The following DNM3 variants were observed in gnomAD, a reference collection of about 807,000 sequenced individuals.
The protein encoded by DNM3 is dynamin 3, also known as dynamin-3.
Under a neutral mutation model 101.6 loss-of-function variants are expected in DNM3, and 47 were observed. That is an observed-to-expected ratio of 0.46 (90% CI 0.37 to 0.59). DNM3 has a LOEUF of 0.59. Ranked by LOEUF, DNM3 falls within the 20% of genes least tolerant of loss-of-function variation. The pLI, the probability that DNM3 is intolerant of heterozygous loss-of-function variation, is 0.00. For synonymous variants in DNM3, 385 were observed against 387.9 expected, an observed-to-expected ratio of 0.99 and a Z score of 0.09; for missense variants, 849 against 1,085.7, an observed-to-expected ratio of 0.78 and a Z score of 3.06.
At chr1:172,255,573 C>G (rs907222779) in intron 15 of DNM3, among the ~76,000 whole-genome samples, 2 of 152,024 alleles carry the variant, frequency 1.3e-5, no homozygotes, top group African/African-American at 4.8e-5. Context: ...CAAAAGTCAC[C>G]GAAATAAGGA....
At chr1:172,180,354 A>T (rs1283561040) in intron 14 of DNM3, among the ~76,000 whole-genome samples, 2 of 152,082 alleles carry the variant, frequency 1.3e-5, no homozygotes, top group African/African-American at 4.8e-5. Context: ...GATAGGGCTG[A>T]GATTATGCAC....
intron 14 of DNM3, among the ~76,000 whole-genome samples, chr1:172,182,168 GACA>G (rs1379331086): frequency 1.3e-5 from 2 of 151,054 alleles, no homozygotes; most frequent in East Asian, 3.9e-4. Flanking sequence ...AAAAAAATGT[GACA>G]ACATTTTATA....
At chr1:172,302,113 T>C (rs766231839) in intron 15 of DNM3, among the ~76,000 whole-genome samples, 17 of 152,248 alleles carry the variant, frequency 1.1e-4, no homozygotes, top group East Asian at 1.9e-4. Context: ...TTCCCTTTCC[T>C]AGCCAAGGGA....
chr1:172,360,449 A>G (rs982032053), intron 17 of DNM3, among the ~76,000 whole-genome samples: 3 of 151,968 alleles, frequency 2.0e-5, no homozygotes, highest in African/African-American at 7.2e-5. Flanking sequence ...TTTTATATAG[A>G]ATAACTTTCT....
At chr1:171,945,026 A>G (rs572306486) in intron 2 of DNM3, among the ~76,000 whole-genome samples, 2 of 150,834 alleles carry the variant, frequency 1.3e-5, no homozygotes, top group Non-Finnish European at 3.0e-5. Context: ...ACCATGCCTG[A>G]CTGATTTTTT....
chr1:172,418,344 C>CCAA, exon 21 of DNM3: 18 of 1,287,522 alleles, frequency 1.4e-5, no homozygotes, highest in Non-Finnish European at 1.7e-5. Flanking sequence ...CCTTTTGTTT[C>CCAA]CAACAACATG....
chr1:172,296,273 A>T (rs1433485906), intron 15 of DNM3, among the ~76,000 whole-genome samples: 1 of 152,234 alleles, frequency 6.6e-6, no homozygotes, highest in African/African-American at 2.4e-5. Context: ...CACTGCCAAG[A>T]TGATGCCAGC....
intron 13 of DNM3, among the ~76,000 whole-genome samples, 195 bp from the exon 14 acceptor site, chr1:172,130,980 G>C (rs148155042): frequency 5.5e-4 from 84 of 152,222 alleles, no homozygotes; most frequent in African/African-American, 2.0e-3. Flanking sequence ...TCATTGACAG[G>C]AGAGACTTCC....
intron 14 of DNM3, among the ~76,000 whole-genome samples, chr1:172,208,651 C>T (rs1255917220): frequency 6.6e-6 from 1 of 152,060 alleles, no homozygotes; most frequent in East Asian, 1.9e-4. Flanking sequence ...TTTCTACATA[C>T]CCTATTTGCT....
At chr1:172,184,839 G>A (rs2059467421) in intron 14 of DNM3, among the ~76,000 whole-genome samples, 2 of 152,058 alleles carry the variant, frequency 1.3e-5, no homozygotes, top group African/African-American at 4.8e-5. Context: ...CCTCTTAAGG[G>A]AATGAACTGT....
chr1:171,972,893 A>AAC (rs1452791557), intron 2 of DNM3, among the ~76,000 whole-genome samples: 1 of 140,730 alleles, frequency 7.1e-6, no homozygotes, highest in Admixed American at 7.3e-5. Flanking sequence ...ACAACAACAA[A>AAC]AACCCCAGAT....
intron 1 of DNM3, among the ~76,000 whole-genome samples, chr1:171,913,511 C>T (rs1439421555): frequency 6.6e-6 from 1 of 152,100 alleles, no homozygotes; most frequent in Non-Finnish European, 1.5e-5. Flanking sequence ...AAATTACTTC[C>T]TCTAGCGATT....
At chr1:172,304,386 G>A (rs1488372920) in intron 15 of DNM3, among the ~76,000 whole-genome samples, 4 of 151,776 alleles carry the variant, frequency 2.6e-5, no homozygotes, top group African/African-American at 7.3e-5. Context: ...GATTCATAAA[G>A]CAAGTCCTTA....
intron 1 of DNM3, among the ~76,000 whole-genome samples, chr1:171,902,941 C>A (rs932797355): frequency 1.3e-5 from 2 of 152,030 alleles, no homozygotes; most frequent in Non-Finnish European, 2.9e-5. Flanking sequence ...TCGCTTTAGT[C>A]CATGAGTTCA....
rs750161800 is a variant in DNM3, at chr1:172,205,302, C to G, written c.1660-48271C>G. 2.0e-5 allele frequency among the ~76,000 whole-genome samples: 3 copies of G among 152,064 alleles called. No homozygotes were observed. In the South Asian group the frequency reaches 6.2e-4, roughly 32 times the overall value. On this transcript the variant is annotated intron_variant, in intron 14 of 20. Transcript: ENST00000627582. ...CATTTCAAGAACACACTATATTTCC[C>G]TGGCATGAACTTTGCCTTTATTCAA... is the stretch of plus-strand genomic sequence containing the variant.
chr1:172,162,826 G>C (rs993506530), intron 14 of DNM3, among the ~76,000 whole-genome samples: 3 of 151,992 alleles, frequency 2.0e-5, no homozygotes, highest in African/African-American at 7.2e-5. Context: ...TCTTTTCTTT[G>C]TTTTCAGGGC....
intron 17 of DNM3, among the ~76,000 whole-genome samples, chr1:172,353,668 A>G (rs540797402): frequency 1.1e-4 from 16 of 152,232 alleles, no homozygotes; most frequent in Non-Finnish European, 2.2e-4. Flanking sequence ...CATTTTATGA[A>G]CGCTCTCAAT....
At chr1:171,953,367 C>G (rs1035994893) in intron 2 of DNM3, among the ~76,000 whole-genome samples, 13 of 151,724 alleles carry the variant, frequency 8.6e-5, no homozygotes, top group African/African-American at 2.9e-4. Flanking sequence ...AGTTATCTGA[C>G]CTTTAAATAG....
intron 4 of DNM3, among the ~76,000 whole-genome samples, chr1:172,011,031 A>G (rs2047092350): frequency 6.6e-6 from 1 of 151,790 alleles, no homozygotes; most frequent in South Asian, 2.1e-4. Context: ...ATATTCCTTA[A>G]AAATGTGTTG....
Sources: gnomAD v4.1 joint callset for allele counts (sites outside exome capture counted in the v4.1 genomes callset) on GRCh38, gnomAD v4.1.1 for gene constraint, MANE v1.5 for transcripts, NCBI Gene and HGNC (gene_info 2026-07-23, HGNC 2026-07-21) for gene names.